EPHB1: variants seen among roughly 807,000 people sequenced by gnomAD.
EPHB1 encodes EPH receptor B1, also known as ephrin type-B receptor 1.
A neutral mutation model predicts 94.4 loss-of-function variants in EPHB1; 30 were observed. The ratio of observed to expected loss-of-function variants is 0.32; its 90% confidence interval spans 0.24 to 0.43. The LOEUF is 0.43. Among genes scored for constraint, EPHB1 ranks in the 20% least tolerant of loss-of-function variants. The probability of loss-of-function intolerance (pLI) is 1.00; values close to 1 mark genes in which losing one functional copy is unlikely to be tolerated. For missense variants in EPHB1, 1,055 were observed against 1,308.3 expected (o/e 0.81, Z 2.99); for synonymous variants, 522 against 489.1 (o/e 1.07, Z -0.89).
chr3:135,070,566 C>T (rs1009580881), intron 3 of EPHB1, among the ~76,000 whole-genome samples: 2 of 152,080 alleles, frequency 1.3e-5, no homozygotes, highest in Non-Finnish European at 2.9e-5. Context: ...CTTGCAAGGC[C>T]ACTGTGCAAA....
chr3:135,004,028 T>A (rs539385662), intron 3 of EPHB1, among the ~76,000 whole-genome samples: 6 of 152,134 alleles, frequency 3.9e-5, no homozygotes, highest in African/African-American at 1.4e-4. Flanking sequence ...TTTTGCTTGT[T>A]AGTTGATGTA....
chr3:134,873,338 C>G (rs1046397691), intron 1 of EPHB1, among the ~76,000 whole-genome samples: 1 of 152,176 alleles, frequency 6.6e-6, no homozygotes, highest in African/African-American at 2.4e-5. Context: ...GGGCTTAGAA[C>G]TGAATTCACC....
chr3:134,941,745 GCACACAGACACA>G (rs1201145160), intron 2 of EPHB1, among the ~76,000 whole-genome samples: 1 of 92,692 alleles, frequency 1.1e-5, no homozygotes, highest in African/African-American at 5.5e-5. Context: ...CTTTACATAT[GCACACAGACACA>G]CACACACACA....
rs546784074 is a variant in EPHB1 at position 135,111,550 on chromosome 3, A to G, written c.961+4947A>G. Among the ~76,000 whole-genome samples the G allele has an allele frequency of 2.0e-5, 3 of 151,782 alleles. No individual in the cohort carries two copies. The South Asian group carries it at 6.3e-4, about 32-fold the overall frequency. ...GGGGGGCTGTGAATATGTATGTGAG[A>G]GAGAGGAGGGGTGGGGTCTGATGTG... On this transcript the variant is annotated intron_variant, in intron 4 of 15. Transcript: ENST00000398015.
intron 1 of EPHB1, among the ~76,000 whole-genome samples, chr3:134,819,981 C>G (rs1313119383): frequency 6.6e-6 from 1 of 152,222 alleles, no homozygotes; most frequent in Non-Finnish European, 1.5e-5. Context: ...TTTTAGCCCA[C>G]AAGATAAAAG....
intron 3 of EPHB1, among the ~76,000 whole-genome samples, chr3:135,085,274 G>A (rs186509795): frequency 3.5e-4 from 53 of 152,294 alleles, no homozygotes; most frequent in African/African-American, 1.2e-3. Flanking sequence ...GAAGCTAAGC[G>A]TGTCTTCCCA....
At chr3:134,917,954 T>C (rs36198) in intron 1 of EPHB1, among the ~76,000 whole-genome samples, 98,084 of 152,160 alleles carry the variant, frequency 0.64, 34,104 homozygotes, top group African/African-American at 0.91. Context: ...GCCTCTACCT[T>C]TGTTGTACAT....
At chr3:135,234,599 C>G (rs912742156) in intron 12 of EPHB1, among the ~76,000 whole-genome samples, 2 of 152,142 alleles carry the variant, frequency 1.3e-5, no homozygotes, top group Non-Finnish European at 2.9e-5. Context: ...TAAAGACATA[C>G]CCAAGACAGG....
At chr3:135,249,774 C>T (rs1305210592) in intron 15 of EPHB1, among the ~76,000 whole-genome samples, 2 of 152,190 alleles carry the variant, frequency 1.3e-5, no homozygotes, top group Non-Finnish European at 2.9e-5. Context: ...AGTTTTTAAA[C>T]TCAACTCATC....
At chr3:135,016,729 C>T (rs902817616) in intron 3 of EPHB1, among the ~76,000 whole-genome samples, 1 of 152,226 alleles carries the variant, frequency 6.6e-6, no homozygotes. Flanking sequence ...GTGCCAGTTC[C>T]TTCCTCTTGC....
At chr3:134,892,898 G>A (rs2038014017) in intron 1 of EPHB1, among the ~76,000 whole-genome samples, 1 of 150,468 alleles carries the variant, frequency 6.6e-6, no homozygotes, top group Non-Finnish European at 1.5e-5. Context: ...TATAATAAAT[G>A]GATTGCTTTG....
At chr3:135,169,165 C>A (rs1003920637) in intron 9 of EPHB1, among the ~76,000 whole-genome samples, 5 of 152,118 alleles carry the variant, frequency 3.3e-5, no homozygotes, top group African/African-American at 4.8e-5. Flanking sequence ...ACCTCTCAGG[C>A]CAACAGAGGA....
chr3:135,035,763 A>G (rs1414676301), intron 3 of EPHB1, among the ~76,000 whole-genome samples: 1 of 152,230 alleles, frequency 6.6e-6, no homozygotes, highest in Non-Finnish European at 1.5e-5. Flanking sequence ...TGCATGATGC[A>G]TTAGTCATAT....
intron 9 of EPHB1, among the ~76,000 whole-genome samples, chr3:135,172,657 G>A (rs1033603875): frequency 6.6e-6 from 1 of 152,230 alleles, no homozygotes; most frequent in Non-Finnish European, 1.5e-5. Flanking sequence ...CCTGGAGGAG[G>A]GAGACTGGCA....
intron 13 of EPHB1, among the ~76,000 whole-genome samples, chr3:135,244,503 T>C (rs1034907432): frequency 5.3e-5 from 8 of 152,214 alleles, no homozygotes; most frequent in African/African-American, 1.9e-4. Context: ...TTTTCAACTC[T>C]GCTCAGTAGG....
rs368838247 is a variant in EPHB1 at position 134,864,232 on chromosome 3, C to G, written c.59-61584C>G. 3.3e-5 allele frequency among the ~76,000 whole-genome samples: 5 copies of G among 152,232 alleles called. No homozygotes were observed. The South Asian group carries it at 1.0e-3, about 32-fold the overall frequency. On this transcript the variant is annotated intron_variant, in intron 1 of 15. Coordinates refer to ENST00000398015, the MANE Select transcript of EPHB1 (RefSeq NM_004441.5). ...CTATTCACCTCCTTTCTTTTCATCC[C>G]GTTTTATGGGTTCTGAAACATGCTC...
chr3:134,882,818 C>CTTTCTTTCTTTCT (rs1450733032), intron 1 of EPHB1, among the ~76,000 whole-genome samples: 6 of 114,260 alleles, frequency 5.3e-5, no homozygotes, highest in Non-Finnish European at 7.6e-5. Flanking sequence ...TTCTTTCTTT[C>CTTTCTTTCTTTCT]TTTCTTTTCT....
At chr3:134,857,023 A>G (rs557621982) in intron 1 of EPHB1, among the ~76,000 whole-genome samples, 55 of 152,338 alleles carry the variant, frequency 3.6e-4, no homozygotes, top group African/African-American at 1.2e-3. Context: ...GGCAGTGTTT[A>G]GGCAGGTTCT....
In EPHB1 at chr3:134,874,093, C is replaced by T. The variant is rs576346391; in HGVS notation, c.59-51723C>T. 9.2e-5 allele frequency among the ~76,000 whole-genome samples: 14 copies of T among 152,206 alleles called. 1 individual carries two copies. Among genetic ancestry groups the T allele is most frequent in the African/African-American group, 3.1e-4 (13 of 41,530 alleles). ...CCAGGGTGGCTGAGTGGGCCTGTGG[C>T]CACAAGATGATCACAGAAGCAAACA... On this transcript the variant is annotated intron_variant, in intron 1 of 15. Coordinates refer to ENST00000398015, the MANE Select transcript of EPHB1 (RefSeq NM_004441.5).
Sources: allele counts gnomAD v4.1 joint callset (sites outside exome capture counted in the v4.1 genomes callset), GRCh38; gene constraint gnomAD v4.1.1; transcripts MANE v1.5; gene names NCBI Gene and HGNC (gene_info 2026-07-23, HGNC 2026-07-21).